The following DMD variants were observed in gnomAD, a reference collection of about 807,000 sequenced individuals.
DMD encodes mutant dystrophin.
DMD carries 63 observed loss-of-function variants against 330.1 expected under a neutral mutation model. The ratio of observed to expected loss-of-function variants is 0.19; its 90% CI spans 0.16 to 0.24. The LOEUF (loss-of-function observed/expected upper bound fraction) is 0.24, where lower values mean the gene tolerates loss of function less well. Among genes scored for constraint, DMD ranks in the 10% least tolerant of loss-of-function variants. The pLI is 1.00. For synonymous variants in DMD, 1,223 were observed against 959.8 expected (o/e 1.27, Z -5.07); for missense variants, 3,344 against 2,684.1 (o/e 1.25, Z -5.43).
intron 7 of DMD, among the ~76,000 whole-genome samples, chrX:32,742,475 A>C (rs1488330000): frequency 9.0e-6 from 1 of 111,281 alleles, no homozygotes; most frequent in African/African-American, 3.3e-5. Flanking sequence ...CATAGGTAAG[A>C]GGAAAAATGC....
intron 45 of DMD, among the ~76,000 whole-genome samples, chrX:31,944,663 C>CTTTT (rs1176678451): frequency 1.2e-5 from 1 of 81,535 alleles, no homozygotes; most frequent in African/African-American, 4.6e-5. Context: ...TTTTGTTCTG[C>CTTTT]TTTTTTTTTT....
chrX:33,088,857 T>C (rs765918561), intron 1 of DMD, among the ~76,000 whole-genome samples: 26 of 111,339 alleles, frequency 2.3e-4, no homozygotes, highest in Non-Finnish European at 3.8e-4. Context: ...TGTTCATTAA[T>C]GACTGGCTCT....
At chrX:31,153,467 CT>C (rs201174679) in intron 74 of DMD, among the ~76,000 whole-genome samples, 47 of 104,612 alleles carry the variant, frequency 4.5e-4, no homozygotes, top group East Asian at 5.9e-4. Context: ...GCCCCACTTA[CT>C]TTTTTTTTTT....
rs192847056 is a variant in DMD, at chrX:33,253,536, T to G, written c.7+85723A>C. ...AGTCAAACAAAAAAATTTCAATGAG[T>G]GAATTTTAATGTACTGTAGACTGTG... is the stretch of plus-strand genomic sequence containing the variant. On this transcript the variant is annotated intron_variant, in intron 1 of 17. Coordinates refer to the DMD transcript ENST00000288447. Among the ~76,000 whole-genome samples the G allele has an allele frequency of 3.4e-3, 375 of 111,469 alleles. 2 individuals are homozygous for G. The highest frequency in any genetic ancestry group is 0.012 in the African/African-American group (355 of 30,837).
At chrX:33,074,323 T>C (rs1288021532) in intron 1 of DMD, among the ~76,000 whole-genome samples, 4 of 112,002 alleles carry the variant, frequency 3.6e-5, no homozygotes, top group African/African-American at 9.7e-5. Flanking sequence ...GAATCTGCTG[T>C]AATTCTGAGG....
intron 44 of DMD, among the ~76,000 whole-genome samples, chrX:32,038,764 T>C (rs183265132): frequency 9.0e-6 from 1 of 111,167 alleles, no homozygotes; most frequent in African/African-American, 3.3e-5. Flanking sequence ...TAGTCTAGGA[T>C]TTGGAATATT....
intron 43 of DMD, among the ~76,000 whole-genome samples, chrX:32,253,465 T>C (rs1373329452): frequency 9.0e-6 from 1 of 110,564 alleles, no homozygotes; most frequent in South Asian, 3.8e-4. Flanking sequence ...TAGCTGAAGA[T>C]TGTCCCAAAG....
At chrX:31,569,640 A>ACG (rs762438796) in intron 55 of DMD, among the ~76,000 whole-genome samples, 1,025 of 83,378 alleles carry the variant, frequency 0.012, 29 homozygotes, top group African/African-American at 0.038. Flanking sequence ...ACGTATATAT[A>ACG]TGTATATACG....
chrX:32,943,351 T>C (rs1311413459), intron 2 of DMD, among the ~76,000 whole-genome samples: 1 of 111,531 alleles, frequency 9.0e-6, no homozygotes, highest in African/African-American at 3.3e-5. Context: ...TAGGTAGGAA[T>C]GCATTTCCCA....
At chrX:32,520,237 A>C (rs1295703894) in intron 17 of DMD, among the ~76,000 whole-genome samples, 1 of 111,974 alleles carries the variant, frequency 8.9e-6, no homozygotes, top group Non-Finnish European at 1.9e-5. Context: ...GTTGATTAAA[A>C]TATACAGTAC....
chrX:33,120,525 TCAGC>T (rs141078640), intron 1 of DMD, among the ~76,000 whole-genome samples: 2,563 of 111,258 alleles, frequency 0.023, 43 homozygotes, highest in Non-Finnish European at 0.032. Flanking sequence ...CGGCAGAACA[TCAGC>T]AACAACTTTT....
intron 1 of DMD, among the ~76,000 whole-genome samples, chrX:33,076,496 C>A (rs1225279177): frequency 1.8e-5 from 2 of 111,066 alleles, no homozygotes; most frequent in Non-Finnish European, 3.8e-5. Context: ...TTAGGGTGAT[C>A]GAGTGTCTGG....
At chrX:32,660,554 T>G (rs1304719824) in intron 9 of DMD, among the ~76,000 whole-genome samples, 1 of 111,698 alleles carries the variant, frequency 9.0e-6, no homozygotes, top group East Asian at 2.8e-4. Context: ...CTATTTATAA[T>G]GGGACTACCA....
intron 2 of DMD, among the ~76,000 whole-genome samples, chrX:32,866,743 G>T (rs1348827860): frequency 0.02 from 44 of 2,242 alleles, no homozygotes; most frequent in South Asian, 0.12. Flanking sequence ...GTGGGGGGGT[G>T]GGGGGGGGGG....
At chrX:31,577,850 A>G (rs7052933) in intron 55 of DMD, among the ~76,000 whole-genome samples, 15,093 of 111,269 alleles carry the variant, frequency 0.14, 806 homozygotes, top group Middle Eastern at 0.22. Flanking sequence ...TATCAATGTG[A>G]GAGTTACAAC....
chrX:32,444,627 T>A (rs2098296094), intron 27 of DMD, among the ~76,000 whole-genome samples: 1 of 110,993 alleles, frequency 9.0e-6, no homozygotes. Flanking sequence ...GCAAGTGGAA[T>A]TCACACCTAA....
intron 11 of DMD, 51 bp from the exon 12 acceptor site, chrX:32,614,504 C>T (rs1022029915): frequency 1.0e-6 from 1 of 991,771 alleles, no homozygotes; most frequent in Non-Finnish European, 1.4e-6. Context: ...CAACTTATTA[C>T]TGAACATCAC....
chrX:32,980,660 C>T (rs1428153735), intron 2 of DMD, among the ~76,000 whole-genome samples: 2 of 110,519 alleles, frequency 1.8e-5, no homozygotes, highest in Non-Finnish European at 3.8e-5. Context: ...ACAAATTTTC[C>T]GAATCATAAT....
intron 52 of DMD, among the ~76,000 whole-genome samples, chrX:31,711,980 G>A (rs1299850974): frequency 1.8e-5 from 2 of 110,422 alleles, no homozygotes; most frequent in South Asian, 3.8e-4. Context: ...ATACTATAAC[G>A]GCATTTGAAA....
Sources: allele counts gnomAD v4.1 joint callset (sites outside exome capture counted in the v4.1 genomes callset), GRCh38; gene constraint gnomAD v4.1.1; transcripts MANE v1.5; gene names NCBI Gene and HGNC (gene_info 2026-07-23, HGNC 2026-07-21).